The following ARID3A variants were observed in gnomAD, a reference collection of about 807,000 sequenced individuals.
ARID3A encodes the protein AT-rich interaction domain 3A.
In ARID3A, 11 loss-of-function variants were observed where a neutral mutation model predicts 52.7. That is an observed-to-expected ratio of 0.21 (90% CI 0.13 to 0.35). The LOEUF is 0.35. ARID3A is among the 10% of genes least tolerant of loss of function. The pLI is 1.00. For synonymous variants in ARID3A, 404 were observed against 359.4 expected (o/e 1.12, Z -1.40); for missense variants, 721 against 838.5 (o/e 0.86, Z 1.73).
intron 3 of ARID3A, among the ~76,000 whole-genome samples, chr19:940,282 T>C (rs758397047): frequency 1.3e-5 from 2 of 152,078 alleles, no homozygotes; most frequent in Non-Finnish European, 2.9e-5. Context: ...GTAACACTAA[T>C]GATACCTGAT....
chr19:973,125 T>TTTTTTTTTTTTTTTTTTTTTTTTTG lies in ARID3A; in HGVS notation c.*1060_*1061insTTTTTTTTTTTTTTTTTTTTTTTTG, dbSNP rs2038316953. 2 of 158,468 alleles carry TTTTTTTTTTTTTTTTTTTTTTTTTG rather than the reference T, an allele frequency of 1.3e-5. No homozygotes were observed. The highest frequency in any genetic ancestry group is 1.3e-5 in the Non-Finnish European group (1 of 74,720). 9.8% of individuals were successfully genotyped at this position (158,468 alleles called of 1,614,324 possible). ...GGAAATTTTTTTTTTTTTTTTTTTT[T>TTTTTTTTTTTTTTTTTTTTTTTTTG]GAGACGGAGTTTTGCTCTTGTCGCC... On this transcript the variant is annotated 3_prime_UTR_variant, in exon 9 of 9. Transcript: ENST00000263620.
intron 7 of ARID3A, among the ~76,000 whole-genome samples, chr19:967,184 G>C (rs529052959): frequency 1.3e-5 from 2 of 151,804 alleles, no homozygotes; most frequent in Admixed American, 1.3e-4. Flanking sequence ...ACATGAACTG[G>C]GAGATGGAGG....
Position 929,547 on chromosome 19 carries a change from A to T in ARID3A, c.19A>T (p.Met7Leu). The T allele has an allele frequency of 6.8e-7, 1 of 1,481,254 alleles. No homozygotes were observed. The highest frequency in any genetic ancestry group is 2.0e-5 in the Admixed American group (1 of 49,108). 91.8% of individuals were successfully genotyped at this position (1,481,254 alleles called of 1,614,324 possible). ...CAGGGCCATGAAACTACAGGCCGTG[A>T]TGGAGACGCTGTTGCAGCGGCAGCA... The part of the protein sequence containing the change: MKLQAV[M>L]ETLLQRQQRA... The change falls in exon 2 of 9, where the codon ATG (methionine) becomes TTG (leucine). Residue 7 changes from methionine to leucine, a missense_variant. Coordinates refer to ENST00000263620, the MANE Select transcript of ARID3A (RefSeq NM_005224.3). The surrounding 1 kb of genome is among the most constrained non-coding windows in gnomAD (Gnocchi z 6.2).
intron 3 of ARID3A, among the ~76,000 whole-genome samples, chr19:958,913 C>G (rs967390341): frequency 2.6e-5 from 4 of 152,116 alleles, no homozygotes; most frequent in African/African-American, 9.7e-5. Flanking sequence ...TTCCATATTT[C>G]TTGTGCACCT....
chr19:939,421 G>A lies in ARID3A; in HGVS notation c.693+6679G>A, dbSNP rs138194992. Among the ~76,000 whole-genome samples the A allele has an allele frequency of 7.7e-3, 1,176 of 152,184 alleles. 14 individuals are homozygous for A. The highest frequency in any genetic ancestry group is 0.027 in the Middle Eastern group (8 of 294). On this transcript the variant is annotated intron_variant, in intron 3 of 8. Coordinates refer to ENST00000263620, the MANE Select transcript of ARID3A (RefSeq NM_005224.3). ...CCTGAGCCACCGCGCCCGGCCTCTC[G>A]ATACACTTTTGGTTCCAGAAGTAAC...
chr19:971,976 G>A lies in ARID3A; in HGVS notation c.1693G>A (p.Gly565Arg), dbSNP rs747064662. Residue 565 changes from glycine to arginine, a missense_variant, in exon 9 of 9, where the codon GGA becomes AGA. Gly to Arg is a moderately radical substitution (Grantham distance 125, BLOSUM62 -2). Around this residue, in one of 5 missense-constraint regions of ARID3A, gnomAD observed 297 missense variants for 343.2 expected, o/e 0.87. Coordinates refer to ENST00000263620, the MANE Select transcript of ARID3A (RefSeq NM_005224.3). ...CAGCAGCAGCAACGCAGGCGGCCGGGGAGGAAACACCGGAACCAGCGGCGG... is the reference window on the plus strand; with the variant it reads ...CAGCAGCAGCAACGCAGGCGGCCGGAGAGGAAACACCGGAACCAGCGGCGG... ...GGSSSNAGGRGGNTGTSGGQA... is the reference protein window; with the variant it reads ...GGSSSNAGGRRGNTGTSGGQA... 2 of 1,602,784 alleles carry A rather than the reference G, an allele frequency of 1.2e-6. No homozygotes were observed. The highest frequency in any genetic ancestry group is 3.4e-5 in the Admixed American group (2 of 58,410).
chr19:936,702 C>T (rs1005929633), intron 3 of ARID3A, among the ~76,000 whole-genome samples: 8 of 151,480 alleles, frequency 5.3e-5, no homozygotes, highest in Admixed American at 3.3e-4. Context: ...ATTAGCCGGG[C>T]GTGGCAGCAC....
chr19:945,520 G>T (rs944497865), intron 3 of ARID3A, among the ~76,000 whole-genome samples: 2 of 152,202 alleles, frequency 1.3e-5, no homozygotes, highest in African/African-American at 2.4e-5. Context: ...AGCCTTGAGT[G>T]ACTCCTCCGA....
chr19:970,456 AC>A (rs1260000422), intron 8 of ARID3A, among the ~76,000 whole-genome samples: 1 of 145,918 alleles, frequency 6.9e-6, no homozygotes, highest in Non-Finnish European at 1.5e-5. Context: ...AACACAGAAG[AC>A]CCCATCTCTA....
intron 8 of ARID3A, among the ~76,000 whole-genome samples, chr19:969,991 C>A (rs528671123): frequency 2.0e-5 from 3 of 152,100 alleles, no homozygotes; most frequent in African/African-American, 7.2e-5. Context: ...CCGCGCCCAC[C>A]CTATATATAC....
rs540025838 is a variant in ARID3A, at chr19:935,291, G to A, written c.693+2549G>A. 3.3e-5 allele frequency among the ~76,000 whole-genome samples: 5 copies of A among 151,922 alleles called. No individual in the cohort carries two copies. In the South Asian group the frequency reaches 6.2e-4, roughly 19 times the overall value. On this transcript the variant is annotated intron_variant, in intron 3 of 8. Coordinates refer to ENST00000263620, the MANE Select transcript of ARID3A (RefSeq NM_005224.3). ...CCGGGCGCAGCAGGCTCAGGGCCAC[G>A]GGTTCTTTCCTTGGACACCTGGAAC...
chr19:932,569 C>T lies in ARID3A; in HGVS notation c.520C>T (p.Pro174Ser), dbSNP rs570019877. ...PASLGTTALF[P>S]RKAQPPQAFR... Reference sequence around the variant, plus strand: ...CAGCTTGGGCACCACGGCACTGTTCCCCCGAAAGGCCCAGCCACCCCAGGC... The same window carrying T: ...CAGCTTGGGCACCACGGCACTGTTCTCCCGAAAGGCCCAGCCACCCCAGGC... Residue 174 changes from proline (P) to serine (S), a missense_variant, in exon 3 of 9, where the codon CCC becomes TCC. Coordinates refer to ENST00000263620, the MANE Select transcript of ARID3A (RefSeq NM_005224.3). 6.7e-7 allele frequency: 1 copy of T among 1,503,534 alleles called. No homozygotes were observed. The highest frequency in any genetic ancestry group is 2.6e-5 in the East Asian group (1 of 39,208). 93.1% of individuals were successfully genotyped at this position (1,503,534 alleles called of 1,614,324 possible).
At position 974,700 on chromosome 19, in the gene ARID3A, C is replaced by T. The variant is rs4807333; in HGVS notation, c.*2635C>T. 217,917 of 231,202 alleles carry T rather than the reference C, an allele frequency of 0.94. 103,027 individuals carry two copies. The highest frequency in any genetic ancestry group is 1 in the East Asian group (16,414 of 16,416). 14.3% of individuals were successfully genotyped at this position (231,202 alleles called of 1,614,324 possible). On this transcript the variant is annotated 3_prime_UTR_variant, in exon 9 of 9. Coordinates refer to ENST00000263620, the MANE Select transcript of ARID3A (RefSeq NM_005224.3). ...CCCACCTCGGAGCCTGGGGAGGGGC[C>T]GTGCAGGGTCGAGGGCTGGGTCGTC...
intron 3 of ARID3A, among the ~76,000 whole-genome samples, chr19:939,519 C>A (rs902424508): frequency 6.6e-6 from 1 of 152,158 alleles, no homozygotes; most frequent in African/African-American, 2.4e-5. Context: ...CCCTTGACCT[C>A]TAGGGCATGA....
chr19:962,513 C>CTTTTTTTTT (rs539409112), intron 4 of ARID3A, among the ~76,000 whole-genome samples: 1 of 115,282 alleles, frequency 8.7e-6, no homozygotes, highest in Non-Finnish European at 1.7e-5. Flanking sequence ...GCTGCTGATC[C>CTTTTTTTTT]TTTTTTTTTT....
At chr19:930,874 C>T (rs2238571) in intron 2 of ARID3A, among the ~76,000 whole-genome samples, 70,709 of 151,914 alleles carry the variant, frequency 0.47, 18,189 homozygotes, top group Non-Finnish European at 0.59. Context: ...GATTCAGCGG[C>T]AGGGGCAGAT....
In ARID3A at chr19:964,981, C is replaced by T. The variant is rs1206752922; in HGVS notation, c.1099C>T (p.His367Tyr). Residue 367 changes from histidine to tyrosine, a missense_variant, in exon 6 of 9, where the codon CAC becomes TAC. By Grantham distance (83) the His-to-Tyr change is moderately conservative. Transcript: ENST00000263620. This position sits in a 1 kb window ranked among gnomAD's most constrained non-coding sequence, Gnocchi z 5.7. ...SLFAYSPGGAHGMLSSPKLPV... is the reference protein window; with the variant it reads ...SLFAYSPGGAYGMLSSPKLPV... The stretch of plus-strand genomic sequence containing the variant: ...CTTTGCCTACTCGCCAGGCGGGGCA[C>T]ACGGCATGCTCTCCTCACCCAAGCT... 2.5e-6 allele frequency: 4 copies of T among 1,613,728 alleles called. No homozygotes were observed. The Admixed American group carries it at 5.0e-5, about 20-fold the overall frequency.
rs1293305537 is a variant in ARID3A, at chr19:942,319, A to G, written c.693+9577A>G. On this transcript the variant is annotated intron_variant, in intron 3 of 8. Transcript: ENST00000263620. This position sits in a 1 kb window ranked among gnomAD's most constrained non-coding sequence, Gnocchi z 8.1. ...CGATCCTGACTGGGGCGGTGGCGAC[A>G]TGGCCCCCGCAGCTGCCCGGCGGTG... Among the ~76,000 whole-genome samples, 1 of 152,146 alleles carries G rather than the reference A, an allele frequency of 6.6e-6. No homozygotes were observed. Among genetic ancestry groups the G allele is most frequent in the African/African-American group, 2.4e-5 (1 of 41,422 alleles).
intron 7 of ARID3A, 86 bp downstream of exon 7, chr19:966,954 A>T (rs1186875097): frequency 1.4e-6 from 2 of 1,391,384 alleles, no homozygotes; most frequent in Non-Finnish European, 1.9e-6. Context: ...AAAGAGTGCC[A>T]ACAAATCAAT....
Sources: gnomAD v4.1 joint callset for allele counts (sites outside exome capture counted in the v4.1 genomes callset) on GRCh38, gnomAD v4.1.1 for gene constraint, gnomAD v4.1.1 regional missense constraint, Gnocchi (gnomAD v3.1) non-coding constraint, MANE v1.5 for transcripts, NCBI Gene and HGNC (gene_info 2026-07-23, HGNC 2026-07-21) for gene names.